CNTN4: variants seen among roughly 807,000 people sequenced by gnomAD.
The protein encoded by CNTN4 is contactin 4.
A neutral mutation model predicts 122.5 loss-of-function variants in CNTN4; 77 were observed. The ratio of observed to expected loss-of-function variants is 0.63; its 90% CI spans 0.52 to 0.76. The LOEUF (loss-of-function observed/expected upper bound fraction) is 0.76. CNTN4 is among the 30% of genes least tolerant of loss of function. The probability of loss-of-function intolerance (pLI) is 0.00; values close to 1 mark genes in which losing one functional copy is unlikely to be tolerated. For missense variants in CNTN4, 1,256 were observed against 1,259.1 expected (o/e 1.00, Z 0.04); for synonymous variants, 512 against 447.0 (o/e 1.15, Z -1.83).
At chr3:2,522,255 A>C (rs981004791) in intron 3 of CNTN4, among the ~76,000 whole-genome samples, 11 of 151,998 alleles carry the variant, frequency 7.2e-5, no homozygotes, top group African/African-American at 2.4e-4. Flanking sequence ...CATAGTCTAG[A>C]AACATGCCTT....
chr3:3,034,156 T>C (rs1036532904), intron 16 of CNTN4, among the ~76,000 whole-genome samples: 7 of 152,168 alleles, frequency 4.6e-5, no homozygotes, highest in Non-Finnish European at 1.0e-4. Context: ...TTTAAAGCCA[T>C]TTGTGCTTAA....
chr3:2,785,906 C>T (rs1246177971), intron 6 of CNTN4, among the ~76,000 whole-genome samples: 8 of 131,752 alleles, frequency 6.1e-5, no homozygotes, highest in Admixed American at 2.2e-4. Flanking sequence ...CCCCCCCCCG[C>T]CCCCCCATCC....
At chr3:2,486,564 T>C (rs1441340864) in intron 3 of CNTN4, among the ~76,000 whole-genome samples, 1 of 152,178 alleles carries the variant, frequency 6.6e-6, no homozygotes, top group Non-Finnish European at 1.5e-5. Context: ...GTCTACTGTG[T>C]TACCCCCCGG....
intron 2 of CNTN4, among the ~76,000 whole-genome samples, chr3:2,240,856 C>G (rs1230382252): frequency 1.3e-5 from 2 of 151,652 alleles, no homozygotes; most frequent in Non-Finnish European, 2.9e-5. Context: ...GGAGTTTTTT[C>G]CTGTGTTTTA....
At chr3:2,280,544 A>T (rs1431123906) in intron 2 of CNTN4, among the ~76,000 whole-genome samples, 2 of 152,224 alleles carry the variant, frequency 1.3e-5, no homozygotes, top group Non-Finnish European at 2.9e-5. Context: ...AAATGCAGAC[A>T]GTCCAATTTC....
chr3:2,503,702 A>G (rs893461081), intron 3 of CNTN4, among the ~76,000 whole-genome samples: 2 of 152,048 alleles, frequency 1.3e-5, no homozygotes, highest in African/African-American at 4.8e-5. Context: ...TTTTTTTTTA[A>G]TAAAGTGGGT....
intron 2 of CNTN4, among the ~76,000 whole-genome samples, chr3:2,291,351 T>G (rs1383229892): frequency 6.6e-6 from 1 of 152,146 alleles, no homozygotes; most frequent in East Asian, 1.9e-4. Flanking sequence ...ATTCAAGAAT[T>G]TATCTCCAAA....
intron 6 of CNTN4, among the ~76,000 whole-genome samples, chr3:2,793,638 C>T (rs62234181): frequency 0.041 from 6,192 of 152,084 alleles, 167 homozygotes; most frequent in Non-Finnish European, 0.06. Context: ...ATTGCGTTTT[C>T]GAAAAATGAT....
In CNTN4 at chr3:2,642,923, T is replaced by C. The variant is rs1020148164; in HGVS notation, c.55+71365T>C. On this transcript the variant is annotated intron_variant, in intron 4 of 24. Coordinates refer to ENST00000418658, the MANE Select transcript of CNTN4 (RefSeq NM_175607.3). ...GATAGGCTGTGTGATTTGATGCAAG[T>C]GATCTAACCATTCTAAACCACAGTG... Among the ~76,000 whole-genome samples the C allele has an allele frequency of 6.4e-4, 98 of 152,270 alleles. 1 individual carries two copies. The highest frequency in any genetic ancestry group is 1.9e-3 in the African/African-American group (81 of 41,558).
At chr3:3,031,021 T>C in intron 16 of CNTN4, 46 bp downstream of exon 16, 1 of 1,611,434 alleles carries the variant, frequency 6.2e-7, no homozygotes, top group Non-Finnish European at 8.5e-7. Flanking sequence ...ATTTTCATGA[T>C]ATCTACTGTA....
At chr3:2,671,285 A>G (rs748996462) in intron 4 of CNTN4, among the ~76,000 whole-genome samples, 3 of 152,056 alleles carry the variant, frequency 2.0e-5, no homozygotes, top group Non-Finnish European at 4.4e-5. Flanking sequence ...GGCTTTGTTC[A>G]TTTCATTTTA....
chr3:2,866,570 T>C (rs1023649274), intron 7 of CNTN4, 182 bp from the exon 8 acceptor site: 2 of 1,220,466 alleles, frequency 1.6e-6, no homozygotes, highest in South Asian at 3.1e-5. Context: ...TATTGACTGA[T>C]AGTAGAAAGG....
At chr3:2,848,961 TA>T (rs1158526646) in intron 7 of CNTN4, among the ~76,000 whole-genome samples, 2 of 152,108 alleles carry the variant, frequency 1.3e-5, no homozygotes, top group Non-Finnish European at 2.9e-5. Context: ...TTCCTGATTT[TA>T]AAAAAGATTA....
At chr3:2,863,549 CTGT>C (rs1455159668) in intron 7 of CNTN4, among the ~76,000 whole-genome samples, 1 of 114,962 alleles carries the variant, frequency 8.7e-6, no homozygotes, top group Non-Finnish European at 1.8e-5. Flanking sequence ...TTGTTGTTTT[CTGT>C]TGTTCTATTT....
rs2033666530 is a variant in CNTN4 at position 2,120,386 on chromosome 3, T to TAA, written c.-145+19748_-145+19749insAA. ...ATATATATATATAAATATATATATA[T>TAA]ATATATATATATATATATATTTTTT... is the stretch of plus-strand genomic sequence containing the variant. On this transcript the variant is annotated intron_variant, in intron 2 of 24. Coordinates refer to ENST00000418658, the MANE Select transcript of CNTN4 (RefSeq NM_175607.3). 3.3e-4 allele frequency among the ~76,000 whole-genome samples: 9 copies of TAA among 27,668 alleles called. 1 individual carries two copies. The highest frequency in any genetic ancestry group is 8.5e-4 in the African/African-American group (9 of 10,566). 18.2% of individuals were successfully genotyped at this position (27,668 alleles called of 152,430 possible).
chr3:2,271,804 T>A (rs2041310152), intron 2 of CNTN4, among the ~76,000 whole-genome samples: 1 of 152,196 alleles, frequency 6.6e-6, no homozygotes, highest in African/African-American at 2.4e-5. Flanking sequence ...TAACCTTATA[T>A]TGACATCTGA....
intron 7 of CNTN4, among the ~76,000 whole-genome samples, chr3:2,831,702 A>T (rs1248124212): frequency 6.6e-6 from 1 of 152,252 alleles, no homozygotes; most frequent in Non-Finnish European, 1.5e-5. Context: ...TCACAAATCC[A>T]TATGGCAGGC....
At chr3:2,815,273 A>G (rs551569114) in intron 6 of CNTN4, among the ~76,000 whole-genome samples, 1 of 152,326 alleles carries the variant, frequency 6.6e-6, no homozygotes, top group African/African-American at 2.4e-5. Context: ...TTTGCATGGC[A>G]AAAGGAACAG....
chr3:2,869,674 G>A (rs2093763076), intron 8 of CNTN4, among the ~76,000 whole-genome samples: 1 of 152,086 alleles, frequency 6.6e-6, no homozygotes, highest in South Asian at 2.1e-4. Flanking sequence ...TTGTCCGCTT[G>A]CCTTCCCCAC....
Sources: allele counts gnomAD v4.1 joint callset (sites outside exome capture counted in the v4.1 genomes callset), GRCh38; gene constraint gnomAD v4.1.1; transcripts MANE v1.5; gene names NCBI Gene and HGNC (gene_info 2026-07-23, HGNC 2026-07-21).